The following ABCA13 variants were observed in gnomAD, a reference collection of about 807,000 sequenced individuals.
ABCA13 encodes ATP-binding cassette sub-family A member 13.
In ABCA13, 476 loss-of-function variants were observed where a neutral mutation model predicts 478.7. The observed-to-expected ratio is 0.99, with a 90% CI of 0.92 to 1.07. The LOEUF is 1.07. ABCA13 is among the 50% of genes least tolerant of loss of function. ABCA13 has a pLI of 0.00. For missense variants in ABCA13, 6,060 were observed against 5,910.6 expected, an observed-to-expected ratio of 1.03 and a Z score of -0.83; for synonymous variants, 2,252 against 2,158.9, an observed-to-expected ratio of 1.04 and a Z score of -1.20.
Position 48,431,342 on chromosome 7 carries a change from AAACAACAACAACAAC to A in ABCA13, c.12565+3504_12565+3518del, listed in dbSNP as rs56675430. Among the ~76,000 whole-genome samples, 140 of 148,038 alleles carry A rather than the reference AAACAACAACAACAAC, an allele frequency of 9.5e-4. 2 individuals carry two copies. The highest frequency in any genetic ancestry group is 2.8e-3 in the African/African-American group (113 of 39,834). Reference sequence around the variant, plus strand: ...GGGCAACAGAGGGAGATTCTGTCTCAAACAACAACAACAACAACAACAACAACAACAACAACAACA... The same window carrying A: ...GGGCAACAGAGGGAGATTCTGTCTCAAACAACAACAACAACAACAACAACA... On this transcript the variant is annotated intron_variant, in intron 42 of 61. Transcript: ENST00000435803.
At chr7:48,484,895 T>C (rs1829135214) in intron 47 of ABCA13, among the ~76,000 whole-genome samples, 1 of 152,216 alleles carries the variant, frequency 6.6e-6, no homozygotes, top group Admixed American at 6.5e-5. Context: ...CTTCAAATGA[T>C]TGCATTTATC....
chr7:48,442,712 T>A (rs1003406500), intron 42 of ABCA13, among the ~76,000 whole-genome samples: 4 of 152,218 alleles, frequency 2.6e-5, no homozygotes, highest in African/African-American at 9.6e-5. Flanking sequence ...CACCCCCAAA[T>A]CTTCTGACTC....
chr7:48,357,145 A>G (rs926936083), intron 31 of ABCA13, among the ~76,000 whole-genome samples: 1 of 151,906 alleles, frequency 6.6e-6, no homozygotes, highest in Non-Finnish European at 1.5e-5. Context: ...ACAGCCACTC[A>G]TGCTTGAAAT....
chr7:48,484,220 A>T (rs1829065523), intron 47 of ABCA13, among the ~76,000 whole-genome samples: 1 of 152,224 alleles, frequency 6.6e-6, no homozygotes, highest in Non-Finnish European at 1.5e-5. Flanking sequence ...TGTAATCCCT[A>T]AACAAAATTT....
At chr7:48,621,447 C>T (rs958158747) in intron 59 of ABCA13, among the ~76,000 whole-genome samples, 5 of 152,110 alleles carry the variant, frequency 3.3e-5, no homozygotes, top group African/African-American at 9.7e-5. Context: ...GCAATGACAA[C>T]CAGTCCAGTC....
chr7:48,200,845 G>GT (rs1186820676), intron 3 of ABCA13, among the ~76,000 whole-genome samples: 3 of 152,172 alleles, frequency 2.0e-5, no homozygotes, highest in African/African-American at 4.8e-5. Flanking sequence ...TTATTTTGTG[G>GT]TAATTGTCTC....
chr7:48,384,238 G>T (rs1340454482), intron 35 of ABCA13, among the ~76,000 whole-genome samples: 2 of 152,218 alleles, frequency 1.3e-5, no homozygotes. Context: ...GTGTTTGCTT[G>T]CTTTCTGTCT....
chr7:48,293,192 G>GCGCCC (rs748200533), intron 20 of ABCA13, among the ~76,000 whole-genome samples: 1 of 108,280 alleles, frequency 9.2e-6, no homozygotes. Flanking sequence ...GAAGTCTTCA[G>GCGCCC]CCCCCCCCCC....
intron 4 of ABCA13, among the ~76,000 whole-genome samples, chr7:48,220,422 T>C (rs1787196816): frequency 6.6e-6 from 1 of 152,212 alleles, no homozygotes; most frequent in South Asian, 2.1e-4. Flanking sequence ...TTAAATTTGC[T>C]AAATCTGATA....
At chr7:48,249,165 A>G (rs750334909) in intron 14 of ABCA13, 47 bp from the exon 15 acceptor site, 11 of 1,524,008 alleles carry the variant, frequency 7.2e-6, no homozygotes, top group Non-Finnish European at 9.0e-6. Context: ...GTCATCTGCA[A>G]GATCATTTTT....
At chr7:48,441,793 A>G (rs1461836439) in intron 42 of ABCA13, among the ~76,000 whole-genome samples, 2 of 152,012 alleles carry the variant, frequency 1.3e-5, no homozygotes, top group Non-Finnish European at 2.9e-5. Context: ...TAGAGATGTG[A>G]TTTGGATTTC....
chr7:48,606,445 T>C (rs545480366), intron 58 of ABCA13, among the ~76,000 whole-genome samples: 1 of 152,198 alleles, frequency 6.6e-6, no homozygotes, highest in Non-Finnish European at 1.5e-5. Flanking sequence ...CCTTTCTGTT[T>C]GTTAGTTTTT....
chr7:48,185,568 T>C (rs1175160538), intron 1 of ABCA13, among the ~76,000 whole-genome samples: 1 of 152,186 alleles, frequency 6.6e-6, no homozygotes, highest in African/African-American at 2.4e-5. Flanking sequence ...AATGCAGTAA[T>C]GATATTAATC....
intron 29 of ABCA13, among the ~76,000 whole-genome samples, 180 bp from the exon 30 acceptor site, chr7:48,350,463 T>G (rs1808788842): frequency 6.6e-6 from 1 of 152,208 alleles, no homozygotes; most frequent in Non-Finnish European, 1.5e-5. Context: ...GTGTAGAGTT[T>G]ACACTCAGCA....
In ABCA13 at chr7:48,483,182, T is replaced by A; in HGVS notation, c.13182+19T>A. ...GGCAAAGGTAATCATATTTTTTTAT[T>A]TTTTTCCTGTTTTAGAAAGTATTTA... is the stretch of plus-strand genomic sequence containing the variant. On this transcript the variant is annotated intron_variant, in intron 47 of 61. Transcript: ENST00000435803. 6.3e-7 allele frequency: 1 copy of A among 1,584,500 alleles called. No individual in the cohort carries two copies.
At chr7:48,547,522 C>T (rs1214050524) in intron 55 of ABCA13, among the ~76,000 whole-genome samples, 1 of 151,804 alleles carries the variant, frequency 6.6e-6, no homozygotes, top group Non-Finnish European at 1.5e-5. Context: ...GGTTTCCCTG[C>T]TGCTTGCTGC....
intron 26 of ABCA13, 65 bp downstream of exon 26, chr7:48,314,474 A>C: frequency 7.3e-7 from 1 of 1,371,842 alleles, no homozygotes; most frequent in South Asian, 1.4e-5. Context: ...TTGGCCTTAA[A>C]TTATAGTAAG....
chr7:48,325,094 G>A (rs756932189), intron 27 of ABCA13, among the ~76,000 whole-genome samples: 30 of 152,204 alleles, frequency 2.0e-4, no homozygotes, highest in Non-Finnish European at 3.4e-4. Context: ...TCAAGTTACT[G>A]AAGCAGTAAC....
intron 15 of ABCA13, among the ~76,000 whole-genome samples, chr7:48,256,256 C>T (rs1263534680): frequency 6.6e-6 from 1 of 152,028 alleles, no homozygotes; most frequent in East Asian, 1.9e-4. Context: ...TGTCTGTTTA[C>T]TCTCTTGATA....
Sources: gnomAD v4.1 joint callset for allele counts (sites outside exome capture counted in the v4.1 genomes callset) on GRCh38, gnomAD v4.1.1 for gene constraint, MANE v1.5 for transcripts, NCBI Gene and HGNC (gene_info 2026-07-23, HGNC 2026-07-21) for gene names.